Variants in LRRC41 observed in about 807,000 individuals in gnomAD.
LRRC41 encodes leucine-rich repeat-containing protein 41.
LRRC41 carries 17 observed loss-of-function variants against 72.1 expected under a neutral mutation model. The ratio of observed to expected loss-of-function variants is 0.24; its 90% CI spans 0.16 to 0.35. The LOEUF (loss-of-function observed/expected upper bound fraction) is 0.35, where lower values mean the gene tolerates loss of function less well. Ranked by LOEUF, LRRC41 falls within the 10% of genes least tolerant of loss-of-function variation. The probability of loss-of-function intolerance (pLI) is 1.00; values close to 1 mark genes in which losing one functional copy is unlikely to be tolerated. For synonymous variants in LRRC41, 427 were observed against 431.0 expected (o/e 0.99, Z 0.11); for missense variants, 759 against 1,065.0 (o/e 0.71, Z 4.00).
At chr1:46,298,178 GAAAAGC>G (rs1202080752) in intron 2 of LRRC41, 100 bp downstream of exon 2, 2 of 800,048 alleles carry the variant, frequency 2.5e-6, no homozygotes. Flanking sequence ...GGTACTTTTT[GAAAAGC>G]ACGAAGTTCT....
At chr1:46,294,589 ATTC>A (rs1234790917) in intron 3 of LRRC41, among the ~76,000 whole-genome samples, 12 of 127,440 alleles carry the variant, frequency 9.4e-5, no homozygotes, top group African/African-American at 2.8e-4. Flanking sequence ...TTTACAACTA[ATTC>A]TTTTTTTTTT....
In LRRC41 at chr1:46,289,533, G is replaced by C. The variant is rs948645376; in HGVS notation, c.358-3034C>G. Among the ~76,000 whole-genome samples the C allele has an allele frequency of 2.0e-5, 3 of 149,318 alleles. No homozygotes were observed. The East Asian group carries it at 6.0e-4, about 30-fold the overall frequency. The stretch of plus-strand genomic sequence containing the variant: ...TCCCAGCACTTTGGGAGGCCGAGGC[G>C]GGGGGGATCACAAGGTCAGGAGATC... On this transcript the variant is annotated intron_variant, in intron 3 of 9. Coordinates refer to ENST00000617190, the MANE Select transcript of LRRC41 (RefSeq NM_006369.5).
At chr1:46,282,880 A>G (rs886103337) in intron 4 of LRRC41, among the ~76,000 whole-genome samples, 2 of 152,102 alleles carry the variant, frequency 1.3e-5, no homozygotes, top group Admixed American at 1.3e-4. Context: ...TAAAAATACA[A>G]AAATTAGCTG....
intron 3 of LRRC41, among the ~76,000 whole-genome samples, chr1:46,289,693 G>A (rs1433885063): frequency 5.9e-5 from 9 of 152,076 alleles, no homozygotes; most frequent in Admixed American, 1.3e-4. Flanking sequence ...CCCGGGAGGC[G>A]GAGCTTGCAG....
Position 46,303,491 on chromosome 1 carries a change from TA to T in LRRC41, c.-170del, listed in dbSNP as rs1661293779. The T allele has an allele frequency of 1.3e-6, 1 of 758,516 alleles. No individual in the cohort carries two copies. Among genetic ancestry groups the T allele is most frequent in the Non-Finnish European group, 2.1e-6 (1 of 484,002 alleles). 47.0% of individuals were successfully genotyped at this position (758,516 alleles called of 1,614,324 possible). On this transcript the variant is annotated 5_prime_UTR_variant, in exon 1 of 10. An upstream open reading frame in the 5' UTR gains an earlier in-frame stop. Coordinates refer to ENST00000617190, the MANE Select transcript of LRRC41 (RefSeq NM_006369.5). ...GTCTCTTAGGAGCTACTATTTTAGA[TA>T]AACTCCTAGATCAATTATACTTGGG...
At chr1:46,288,251 T>C (rs946748146) in intron 3 of LRRC41, among the ~76,000 whole-genome samples, 9 of 152,146 alleles carry the variant, frequency 5.9e-5, no homozygotes, top group Non-Finnish European at 1.5e-5. Flanking sequence ...CCAAAGTTTC[T>C]AATTTAAGAT....
At chr1:46,300,974 C>T (rs1661210167) in intron 1 of LRRC41, among the ~76,000 whole-genome samples, 1 of 152,140 alleles carries the variant, frequency 6.6e-6, no homozygotes. Flanking sequence ...TGGCTGGGGG[C>T]TCAGCCAGTA....
rs1314263931 is a variant in LRRC41, at chr1:46,278,016, CCA to C, written c.*847_*848del. 1 of 1,614,138 alleles carries C rather than the reference CCA, an allele frequency of 6.2e-7. No homozygotes were observed. Among genetic ancestry groups the C allele is most frequent in the Non-Finnish European group, 8.5e-7 (1 of 1,180,010 alleles). ...GCCCTAACCATTATCTCTAAGCTAC[CCA>C]CACAGTAGGGAGATGGGATCTGTAG... On this transcript the variant is annotated 3_prime_UTR_variant, in exon 10 of 10. Coordinates refer to ENST00000617190, the MANE Select transcript of LRRC41 (RefSeq NM_006369.5).
intron 3 of LRRC41, among the ~76,000 whole-genome samples, chr1:46,293,663 G>C (rs979688365): frequency 6.6e-6 from 1 of 151,986 alleles, no homozygotes; most frequent in African/African-American, 2.4e-5. Context: ...TCTGCCTCTT[G>C]GGTTCAAGTG....
At chr1:46,296,205 A>G (rs1005867268) in intron 3 of LRRC41, among the ~76,000 whole-genome samples, 1 of 152,206 alleles carries the variant, frequency 6.6e-6, no homozygotes, top group Non-Finnish European at 1.5e-5. Flanking sequence ...AACTGAGGTC[A>G]GGAGTTCGAG....
rs1660686665 is a variant in LRRC41, at chr1:46,278,320, G to A, written c.*545C>T. The A allele has an allele frequency of 2.5e-6, 4 of 1,572,636 alleles. No homozygotes were observed. In the South Asian group the frequency reaches 3.5e-5, roughly 14 times the overall value. On this transcript the variant is annotated 3_prime_UTR_variant, in exon 10 of 10. Coordinates refer to ENST00000617190, the MANE Select transcript of LRRC41 (RefSeq NM_006369.5). ...CTGGGTGTAGCTCTTAGAGGAAGGA[G>A]ATAGGGAAAAGGGGCTCCTTGCTCC...
intron 3 of LRRC41, among the ~76,000 whole-genome samples, chr1:46,294,592 C>CTTTTTTTT (rs60249294): frequency 2.8e-5 from 3 of 108,314 alleles, no homozygotes; most frequent in Non-Finnish European, 3.7e-5. Context: ...ACAACTAATT[C>CTTTTTTTT]TTTTTTTTTT....
chr1:46,278,329 A>G lies in LRRC41; in HGVS notation c.*536T>C. ...GCTCTTAGAGGAAGGAGATAGGGAAAAGGGGCTCCTTGCTCCACAGGGCCC... is the reference window on the plus strand; with the variant it reads ...GCTCTTAGAGGAAGGAGATAGGGAAGAGGGGCTCCTTGCTCCACAGGGCCC... On this transcript the variant is annotated 3_prime_UTR_variant, in exon 10 of 10. Coordinates refer to ENST00000617190, the MANE Select transcript of LRRC41 (RefSeq NM_006369.5). 6.5e-7 allele frequency: 1 copy of G among 1,546,006 alleles called. No homozygotes were observed. Among genetic ancestry groups the G allele is most frequent in the Non-Finnish European group, 8.8e-7 (1 of 1,136,064 alleles).
Position 46,278,477 on chromosome 1 carries a change from G to C in LRRC41, c.*388C>G. On this transcript the variant is annotated 3_prime_UTR_variant, in exon 10 of 10. Coordinates refer to ENST00000617190, the MANE Select transcript of LRRC41 (RefSeq NM_006369.5). Reference sequence around the variant, plus strand: ...AGAATAAAGGTATGAAAGGGTTTGAGGCCTGAGAGCAGTGTGGTAAGCCCA... The same window carrying C: ...AGAATAAAGGTATGAAAGGGTTTGACGCCTGAGAGCAGTGTGGTAAGCCCA... 1.4e-6 allele frequency: 1 copy of C among 710,958 alleles called. No homozygotes were observed. The highest frequency in any genetic ancestry group is 2.3e-6 in the Non-Finnish European group (1 of 426,142). The allele number at this position is 710,958 out of a possible 1,614,324, so 44.0% of individuals were successfully genotyped here.
At chr1:46,282,426 C>T (rs1406024195) in intron 4 of LRRC41, among the ~76,000 whole-genome samples, 2 of 152,210 alleles carry the variant, frequency 1.3e-5, no homozygotes, top group Admixed American at 6.5e-5. Flanking sequence ...TTCAACTACC[C>T]AGTGCCTACT....
intron 1 of LRRC41, chr1:46,300,409 GA>G (rs1382389298): frequency 6.6e-6 from 1 of 152,144 alleles, no homozygotes; most frequent in African/African-American, 2.4e-5. Context: ...TTTACTTACA[GA>G]ATAACTGAAT....
In LRRC41 at chr1:46,302,307, C is replaced by T. The variant is rs1661252805; in HGVS notation, c.199+817G>A. 2 of 985,402 alleles carry T rather than the reference C, an allele frequency of 2.0e-6. No individual in the cohort carries two copies. The highest frequency in any genetic ancestry group is 2.4e-6 in the Non-Finnish European group (2 of 829,914). The allele number at this position is 985,402 out of a possible 1,614,324, so 61.0% of individuals were successfully genotyped here. A position where few individuals can be genotyped will look rare whatever the true frequency, so the allele number is the denominator to read the frequency against. On this transcript the variant is annotated intron_variant, in intron 1 of 9. Transcript: ENST00000617190. The surrounding 1 kb of genome is among the most constrained non-coding windows in gnomAD (Gnocchi z 4.7). Reference sequence around the variant, plus strand: ...GCCTCCTTGGCCCTTCCCGCCTGTCCGTCATTCGAGCCTCCCTCGCTTGTT... The same window carrying T: ...GCCTCCTTGGCCCTTCCCGCCTGTCTGTCATTCGAGCCTCCCTCGCTTGTT...
chr1:46,283,058 A>T (rs1660812788), intron 4 of LRRC41, among the ~76,000 whole-genome samples: 1 of 152,062 alleles, frequency 6.6e-6, no homozygotes, highest in South Asian at 2.1e-4. Context: ...CTATAGAGAT[A>T]ACCAGGAGTA....
In LRRC41 at chr1:46,303,154, G is replaced by A; in HGVS notation, c.169C>T (p.His57Tyr). ...FELCGRAVSA[H>Y]MGVLESGVWA... The stretch of plus-strand genomic sequence containing the variant: ...ACCCCGCTCTCCAGAACCCCCATAT[G>A]GGCGCTCACCGCCCGCCCGCACAGC... Residue 57 changes from histidine to tyrosine, a missense_variant, in exon 1 of 10, where the codon CAT (histidine) becomes TAT (tyrosine). By Grantham distance (83) the His-to-Tyr change is moderately conservative. Transcript: ENST00000617190. The A allele has an allele frequency of 1.3e-6, 2 of 1,529,704 alleles. No homozygotes were observed. The highest frequency in any genetic ancestry group is 8.7e-7 in the Non-Finnish European group (1 of 1,144,256). The allele number at this position is 1,529,704 out of a possible 1,614,324, so 94.8% of individuals were successfully genotyped here. A position where few individuals can be genotyped will look rare whatever the true frequency, so the allele number is the denominator to read the frequency against.
Sources: gnomAD v4.1 joint callset for allele counts (sites outside exome capture counted in the v4.1 genomes callset) on GRCh38, gnomAD v4.1.1 for gene constraint, Gnocchi (gnomAD v3.1) non-coding constraint, MANE v1.5 for transcripts, NCBI Gene and HGNC (gene_info 2026-07-23, HGNC 2026-07-21) for gene names.